The following PTBP1 variants were observed in gnomAD, a reference collection of about 807,000 sequenced individuals.
The protein encoded by PTBP1 is polypyrimidine tract binding protein 1.
In PTBP1, 8 loss-of-function variants were observed where a neutral mutation model predicts 59.8. That is an observed-to-expected ratio of 0.13 (90% confidence interval 0.08 to 0.24). The LOEUF (loss-of-function observed/expected upper bound fraction) is 0.24, where lower values mean the gene tolerates loss of function less well. Among genes scored for constraint, PTBP1 ranks in the 10% least tolerant of loss-of-function variants. The probability of loss-of-function intolerance (pLI) is 1.00; values close to 1 mark genes in which losing one functional copy is unlikely to be tolerated. For missense variants in PTBP1, 686 were observed against 767.0 expected (o/e 0.89, Z 1.25); for synonymous variants, 490 against 320.7 (o/e 1.53, Z -5.64).
chr19:798,096 AC>A (rs1363431623), intron 1 of PTBP1, among the ~76,000 whole-genome samples: 12 of 148,956 alleles, frequency 8.1e-5, no homozygotes, highest in Admixed American at 7.9e-4. Context: ...TCCCCGCCCT[AC>A]CCCTGCCCCC....
At chr19:809,950 A>T (rs1368315469) in intron 13 of PTBP1, among the ~76,000 whole-genome samples, 18 of 152,212 alleles carry the variant, frequency 1.2e-4, no homozygotes, top group Non-Finnish European at 1.5e-5. Context: ...ATCTGGCCCC[A>T]AGCATGTCAA....
intron 1 of PTBP1, 78 bp downstream of exon 1, chr19:797,583 G>A (rs2034125718): frequency 4.7e-6 from 5 of 1,068,438 alleles, no homozygotes; most frequent in Non-Finnish European, 6.0e-6. Flanking sequence ...CGGCCTCCCC[G>A]GGGCCGATCT....
At chr19:809,038 T>C (rs1172695542) in intron 13 of PTBP1, among the ~76,000 whole-genome samples, 1 of 152,174 alleles carries the variant, frequency 6.6e-6, no homozygotes, top group African/African-American at 2.4e-5. Flanking sequence ...AGGCGAAGTC[T>C]TGCTTTGTCA....
In PTBP1 at chr19:811,464, G is replaced by GC. The variant is rs2034870448; in HGVS notation, c.*640dup. 6.6e-6 allele frequency: 1 copy of GC among 152,462 alleles called. No homozygotes were observed. The highest frequency in any genetic ancestry group is 2.4e-5 in the African/African-American group (1 of 41,458). 9.4% of individuals were successfully genotyped at this position (152,462 alleles called of 1,614,324 possible). On this transcript the variant is annotated 3_prime_UTR_variant, in exon 15 of 15. Coordinates refer to ENST00000356948, the MANE Select transcript of PTBP1 (RefSeq NM_002819.5). Reference sequence around the variant, plus strand: ...ATACTTTGCAGTTGCAGACGTCTGTGCCTAGCAATATTTCCAGTTGACCAA... The same window carrying GC: ...ATACTTTGCAGTTGCAGACGTCTGTGCCCTAGCAATATTTCCAGTTGACCAA...
At position 808,076 on chromosome 19, in the gene PTBP1, A is replaced by G. The variant is rs559121973; in HGVS notation, c.1153+174A>G. 7.4e-6 allele frequency: 5 copies of G among 679,668 alleles called. No individual in the cohort carries two copies. The highest frequency in any genetic ancestry group is 2.7e-5 in the East Asian group (1 of 37,494). 42.1% of individuals were successfully genotyped at this position (679,668 alleles called of 1,614,324 possible). On this transcript the variant is annotated intron_variant, in intron 11 of 14. Transcript: ENST00000356948. This position sits in a 1 kb window ranked among gnomAD's most constrained non-coding sequence, Gnocchi z 4.7. ...TATTTGGTCCCGTAGATACGTACGC[A>G]TGGTTTATCGCCCTGCATGCTTTTC...
At chr19:800,404 G>A (rs2034280531) in intron 2 of PTBP1, among the ~76,000 whole-genome samples, 1 of 152,170 alleles carries the variant, frequency 6.6e-6, no homozygotes, top group African/African-American at 2.4e-5. Context: ...TCAGAACCTG[G>A]AGAAGAAGAA....
chr19:797,719 C>T (rs1427294444), intron 1 of PTBP1, among the ~76,000 whole-genome samples: 3 of 148,576 alleles, frequency 2.0e-5, no homozygotes, highest in African/African-American at 7.3e-5. Context: ...GTCCGGCCCG[C>T]TTCCGGCCCC....
Position 808,200 on chromosome 19 carries a change from AGC to A in PTBP1, c.1154-155_1154-154del. The A allele has an allele frequency of 1.5e-6, 1 of 674,620 alleles. No homozygotes were observed. Among genetic ancestry groups the A allele is most frequent in the Non-Finnish European group, 2.6e-6 (1 of 381,968 alleles). The allele number at this position is 674,620 out of a possible 1,614,324, so 41.8% of individuals were successfully genotyped here. On this transcript the variant is annotated intron_variant, in intron 11 of 14. Coordinates refer to ENST00000356948, the MANE Select transcript of PTBP1 (RefSeq NM_002819.5). The surrounding 1 kb of genome is among the most constrained non-coding windows in gnomAD (Gnocchi z 4.7). Reference sequence around the variant, plus strand: ...TTTGCTGAACGGAGCTGCTCCTGTTAGCGCGCCCTGTGGCTGCGAGACGCAGC... The same window carrying A: ...TTTGCTGAACGGAGCTGCTCCTGTTAGCGCCCTGTGGCTGCGAGACGCAGC...
chr19:810,925 GAT>G lies in PTBP1; in HGVS notation c.*100_*101del, dbSNP rs2145042498. 1.7e-6 allele frequency: 2 copies of G among 1,207,032 alleles called. No homozygotes were observed. Among genetic ancestry groups the G allele is most frequent in the Admixed American group, 5.8e-5 (2 of 34,354 alleles). 74.8% of individuals were successfully genotyped at this position (1,207,032 alleles called of 1,614,324 possible). On this transcript the variant is annotated 3_prime_UTR_variant, in exon 15 of 15. Coordinates refer to ENST00000356948, the MANE Select transcript of PTBP1 (RefSeq NM_002819.5). ...GCTGAAGTGACCTTAGCAGACCAGA[GAT>G]TTTATTTTTTTAAAGAGAAATCAGT...
At position 808,880 on chromosome 19, in the gene PTBP1, T is replaced by TA. The variant is rs1319975809; in HGVS notation, c.1463+119dup. 4.3e-5 allele frequency: 41 copies of TA among 960,196 alleles called. No homozygotes were observed. Among genetic ancestry groups the TA allele is most frequent in the Middle Eastern group, 2.3e-4 (1 of 4,356 alleles). The allele number at this position is 960,196 out of a possible 1,614,324, so 59.5% of individuals were successfully genotyped here. A position where few individuals can be genotyped will look rare whatever the true frequency, so the allele number is the denominator to read the frequency against. On this transcript the variant is annotated intron_variant, in intron 13 of 14. Transcript: ENST00000356948. This position sits in a 1 kb window ranked among gnomAD's most constrained non-coding sequence, Gnocchi z 4.7. ...TCCAGAGTGCAGGTCGGGCACCTCT[T>TA]ACCCCAAACCTGAAGTACTGCAAGG...
intron 2 of PTBP1, among the ~76,000 whole-genome samples, chr19:802,881 G>A (rs562525556): frequency 6.6e-6 from 1 of 152,206 alleles, no homozygotes; most frequent in Non-Finnish European, 1.5e-5. Flanking sequence ...AGAGAAAATG[G>A]ACAGGTCAGA....
In PTBP1 at chr19:804,523, C is replaced by T. The variant is rs760849281; in HGVS notation, c.436-9C>T. The T allele has an allele frequency of 8.1e-6, 13 of 1,598,956 alleles. No individual in the cohort carries two copies. Among genetic ancestry groups the T allele is most frequent in the African/African-American group, 4.0e-5 (3 of 74,744 alleles). ...AGGGGCCGGGGACTCACGGCTGTGC[C>T]TCCCACAGCGGGCCCAGGCGGCCCT... On this transcript the variant is annotated splice_polypyrimidine_tract_variant and intron_variant, in intron 5 of 14. Transcript: ENST00000356948.
chr19:806,388 C>T lies in PTBP1; in HGVS notation c.971-20C>T, dbSNP rs760130419. On this transcript the variant is annotated intron_variant, in intron 9 of 14. Coordinates refer to ENST00000356948, the MANE Select transcript of PTBP1 (RefSeq NM_002819.5). ...TGGAGTCGGGGGCGCCGCCGCTCAT[C>T]TCACCTCCTGCTTTTCCAGGCCTTT... 1 of 1,593,026 alleles carries T rather than the reference C, an allele frequency of 6.3e-7. No homozygotes were observed. Among genetic ancestry groups the T allele is most frequent in the East Asian group, 2.3e-5 (1 of 42,560 alleles).
intron 10 of PTBP1, chr19:807,610 C>T (rs2034643945): frequency 2.3e-6 from 1 of 438,446 alleles, no homozygotes; most frequent in South Asian, 5.1e-5. Context: ...TGCCAACTGA[C>T]TGCACGGTAC....
In PTBP1 at chr19:811,101, T is replaced by C. The variant is rs2034843999; in HGVS notation, c.*275T>C. ...CTCGGGGCCATGCCTTGGTGGGGCC[T>C]GTGTCGGGCGTGGGGCCTGCAGGTG... On this transcript the variant is annotated 3_prime_UTR_variant, in exon 15 of 15. Transcript: ENST00000356948. The C allele has an allele frequency of 5.8e-6, 2 of 345,368 alleles. No individual in the cohort carries two copies. Among genetic ancestry groups the C allele is most frequent in the Non-Finnish European group, 1.0e-5 (2 of 192,686 alleles). 21.4% of individuals were successfully genotyped at this position (345,368 alleles called of 1,614,324 possible). A position where few individuals can be genotyped will look rare whatever the true frequency, so the allele number is the denominator to read the frequency against.
Position 808,629 on chromosome 19 carries a change from CG to C in PTBP1, c.1331del (p.Arg444ProfsTer9). 1 of 1,610,984 alleles carries C rather than the reference CG, an allele frequency of 6.2e-7. No homozygotes were observed. The highest frequency in any genetic ancestry group is 8.5e-7 in the Non-Finnish European group (1 of 1,179,660). ...GAAGCACCAGAACGTGCAGCTGCCC[CG>C]CGAGGGCCAGGAGGACCAGGGCCTG... Reference protein sequence around the residue: ...LSKHQNVQLPREGQEDQGLTK... With the variant: ...LSKHQNVQLPXEGQEDQGLTK... On this transcript the variant is annotated frameshift_variant, in exon 13 of 15. Coordinates refer to ENST00000356948, the MANE Select transcript of PTBP1 (RefSeq NM_002819.5). LOFTEE classifies it high-confidence loss of function. This position sits in a 1 kb window ranked among gnomAD's most constrained non-coding sequence, Gnocchi z 4.7.
chr19:810,460 C>T (rs117696745), intron 13 of PTBP1, 83 bp from the exon 14 acceptor site: 3 of 1,207,826 alleles, frequency 2.5e-6, no homozygotes, highest in African/African-American at 1.5e-5. Context: ...ACTCTGAAAA[C>T]TAGTCTGGGG....
At position 808,971 on chromosome 19, in the gene PTBP1, A is replaced by G. The variant is rs1035521374; in HGVS notation, c.1463+209A>G. Among the ~76,000 whole-genome samples, 2 of 152,168 alleles carry G rather than the reference A, an allele frequency of 1.3e-5. No individual in the cohort carries two copies. The highest frequency in any genetic ancestry group is 4.8e-5 in the African/African-American group (2 of 41,448). ...TTGGACACTTTGGAGGTTTTGGCTC[A>G]GGGGATGCTCCCTGTGAGAATGTAT... is the stretch of plus-strand genomic sequence containing the variant. On this transcript the variant is annotated intron_variant, in intron 13 of 14. Coordinates refer to ENST00000356948, the MANE Select transcript of PTBP1 (RefSeq NM_002819.5). This position sits in a 1 kb window ranked among gnomAD's most constrained non-coding sequence, Gnocchi z 4.7.
intron 13 of PTBP1, among the ~76,000 whole-genome samples, chr19:809,444 G>A (rs1568275724): frequency 6.6e-6 from 1 of 152,046 alleles, no homozygotes; most frequent in Admixed American, 6.6e-5. Flanking sequence ...AGCCTCCCGA[G>A]TAGCTGGGAG....
Sources: gnomAD v4.1 joint callset for allele counts (sites outside exome capture counted in the v4.1 genomes callset) on GRCh38, gnomAD v4.1.1 for gene constraint, Gnocchi (gnomAD v3.1) non-coding constraint, MANE v1.5 for transcripts, NCBI Gene and HGNC (gene_info 2026-07-23, HGNC 2026-07-21) for gene names.